Variants in FBXL4 observed in about 807,000 individuals in gnomAD.
The protein encoded by FBXL4 is F-box/LRR-repeat protein 4.
FBXL4 carries 40 observed loss-of-function variants against 58.9 expected under a neutral mutation model. That is an observed-to-expected ratio of 0.68 (90% confidence interval 0.53 to 0.88). FBXL4 has a LOEUF of 0.88. Among genes scored for constraint, FBXL4 ranks in the 40% least tolerant of loss-of-function variants. The pLI is 0.00. For synonymous variants in FBXL4, 263 were observed against 265.5 expected, an observed-to-expected ratio of 0.99 and a Z score of 0.09; for missense variants, 676 against 734.4, an observed-to-expected ratio of 0.92 and a Z score of 0.92.
At chr6:98,916,016 A>G (rs1477665728) in intron 5 of FBXL4, among the ~76,000 whole-genome samples, 1 of 152,264 alleles carries the variant, frequency 6.6e-6, no homozygotes, top group African/African-American at 2.4e-5. Context: ...GGATATGAAC[A>G]GACACTTCTC....
chr6:98,929,577 A>G (rs1772929521), intron 2 of FBXL4, among the ~76,000 whole-genome samples: 1 of 151,758 alleles, frequency 6.6e-6, no homozygotes, highest in South Asian at 2.1e-4. Context: ...GTCTCAAAAA[A>G]AAAAAAAAAA....
intron 2 of FBXL4, among the ~76,000 whole-genome samples, chr6:98,931,679 G>A (rs1168027869): frequency 2.0e-5 from 3 of 152,176 alleles, no homozygotes; most frequent in Non-Finnish European, 4.4e-5. Flanking sequence ...AAAGAGAAAT[G>A]TACAAACCCA....
In FBXL4 at chr6:98,874,385, G is replaced by T. The variant is rs1349926880; in HGVS notation, c.1759C>A (p.Leu587Ile). 7 of 1,612,858 alleles carry T rather than the reference G, an allele frequency of 4.3e-6. No individual in the cohort carries two copies. The highest frequency in any genetic ancestry group is 5.1e-6 in the Non-Finnish European group (6 of 1,179,366). Reference sequence around the variant, plus strand: ...CAGAAGGACACATCAAGTAAAGAAAGATCTTTACAAGATTCCAGGAGTTTT... The same window carrying T: ...CAGAAGGACACATCAAGTAAAGAAATATCTTTACAAGATTCCAGGAGTTTT... ...LRKLLESCKD[L>I]SLLDVSFCSQ... Residue 587 changes from leucine (L) to isoleucine (I), a missense_variant, in exon 10 of 10, where the codon CTT becomes ATT. Physicochemically the swap from Leu to Ile is conservative, Grantham distance 5. Coordinates refer to ENST00000369244, the MANE Select transcript of FBXL4 (RefSeq NM_001278716.2).
At chr6:98,916,991 TAATA>T (rs1483850797) in intron 5 of FBXL4, among the ~76,000 whole-genome samples, 2 of 152,110 alleles carry the variant, frequency 1.3e-5, no homozygotes, top group Middle Eastern at 3.2e-3. Flanking sequence ...ACAATCTTAT[TAATA>T]TTCTTATTTT....
At chr6:98,947,041 G>A (rs1208354074) in intron 1 of FBXL4, among the ~76,000 whole-genome samples, 2 of 152,236 alleles carry the variant, frequency 1.3e-5, no homozygotes, top group Non-Finnish European at 2.9e-5. Context: ...CCCTGCACCT[G>A]GTGGTAATGT....
rs1001192669 is a variant in FBXL4, at chr6:98,879,455, C to T, written c.1389+1098G>A. Among the ~76,000 whole-genome samples, 9 of 152,262 alleles carry T rather than the reference C, an allele frequency of 5.9e-5. No homozygotes were observed. The East Asian group carries it at 1.7e-3, about 29-fold the overall frequency. The stretch of plus-strand genomic sequence containing the variant: ...TGCACACAAACACACACATGCACAC[C>T]TTCTCCACACAAGATTTCTATTGTC... On this transcript the variant is annotated intron_variant, in intron 8 of 9. Transcript: ENST00000369244.
intron 4 of FBXL4, among the ~76,000 whole-genome samples, chr6:98,921,434 T>C (rs981661685): frequency 2.6e-5 from 4 of 151,468 alleles, no homozygotes; most frequent in African/African-American, 7.3e-5. Context: ...AAGAAAGTTA[T>C]CTTGCCAACC....
rs1405553150 is a variant in FBXL4, at chr6:98,873,362, TATATATA to T, written c.*909_*915del. Reference sequence around the variant, plus strand: ...ATCTATAATATGTATATATAATGTGTATATATAATATATATCTCCACATTTATGTTTT... The same window carrying T: ...ATCTATAATATGTATATATAATGTGTATATATATCTCCACATTTATGTTTT... On this transcript the variant is annotated 3_prime_UTR_variant, in exon 10 of 10. Transcript: ENST00000369244. The T allele has an allele frequency of 3.4e-5, 5 of 148,612 alleles. No homozygotes were observed. The highest frequency in any genetic ancestry group is 1.9e-4 in the East Asian group (1 of 5,150). The allele number at this position is 148,612 out of a possible 1,614,324, so 9.2% of individuals were successfully genotyped here. A position where few individuals can be genotyped will look rare whatever the true frequency, so the allele number is the denominator to read the frequency against.
chr6:98,921,298 T>G (rs1772573332), intron 4 of FBXL4, among the ~76,000 whole-genome samples: 3 of 151,978 alleles, frequency 2.0e-5, no homozygotes, highest in Admixed American at 2.0e-4. Flanking sequence ...AGATGTTTCA[T>G]TAATGGAAAC....
Position 98,935,795 on chromosome 6 carries a change from C to CA in FBXL4, c.-308-917dup, listed in dbSNP as rs372124984. On this transcript the variant is annotated intron_variant, in intron 1 of 9. Coordinates refer to ENST00000369244, the MANE Select transcript of FBXL4 (RefSeq NM_001278716.2). ...TGGGCGACAGAGCGAGACTCCGTCT[C>CA]AAAAAAAAAAAAAGAATAAGGCATC... is the stretch of plus-strand genomic sequence containing the variant. Among the ~76,000 whole-genome samples, 112 of 117,622 alleles carry CA rather than the reference C, an allele frequency of 9.5e-4. 4 individuals are homozygous for CA. The highest frequency in any genetic ancestry group is 2.7e-3 in the East Asian group (11 of 4,138). 77.2% of individuals were successfully genotyped at this position (117,622 alleles called of 152,430 possible).
chr6:98,874,252 A>C lies in FBXL4; in HGVS notation c.*26T>G, dbSNP rs1312814021. Reference sequence around the variant, plus strand: ...AAATTAAACCCCAACAAAGCACATTAATTTTAATACAGAACATATATTAAG... The same window carrying C: ...AAATTAAACCCCAACAAAGCACATTCATTTTAATACAGAACATATATTAAG... On this transcript the variant is annotated 3_prime_UTR_variant, in exon 10 of 10. Transcript: ENST00000369244. 1 of 1,494,726 alleles carries C rather than the reference A, an allele frequency of 6.7e-7. No homozygotes were observed. The allele number at this position is 1,494,726 out of a possible 1,614,324, so 92.6% of individuals were successfully genotyped here.
Position 98,868,953 on chromosome 6 carries a change from G to A in FBXL4, c.*5325C>T, listed in dbSNP as rs1284309762. The A allele has an allele frequency of 6.6e-6, 1 of 152,100 alleles. No homozygotes were observed. The highest frequency in any genetic ancestry group is 2.4e-5 in the African/African-American group (1 of 41,420). The allele number at this position is 152,100 out of a possible 1,614,324, so 9.4% of individuals were successfully genotyped here. On this transcript the variant is annotated 3_prime_UTR_variant, in exon 10 of 10. Transcript: ENST00000369244. ...GAGCACACTTACTGCTGTGCCAAAG[G>A]AATAATCTTGGCCCCATCCCTACTT...
chr6:98,898,544 T>C, intron 7 of FBXL4: 1 of 903,880 alleles, frequency 1.1e-6, no homozygotes, highest in Non-Finnish European at 1.3e-6. Context: ...GGCGGAGGTT[T>C]CAGTGAGCTG....
intron 1 of FBXL4, among the ~76,000 whole-genome samples, chr6:98,935,461 T>C (rs554974873): frequency 1.3e-5 from 2 of 152,300 alleles, no homozygotes; most frequent in African/African-American, 2.4e-5. Flanking sequence ...TACCTATATA[T>C]TACCTTTTTC....
chr6:98,936,227 C>T (rs540927479), intron 1 of FBXL4, among the ~76,000 whole-genome samples: 1 of 152,228 alleles, frequency 6.6e-6, no homozygotes, highest in South Asian at 2.1e-4. Flanking sequence ...TGAGTTTTGA[C>T]AATGACAGAA....
rs768115130 is a variant in FBXL4, at chr6:98,899,251, T to C, written c.1317+17A>G. On this transcript the variant is annotated intron_variant, in intron 7 of 9. Coordinates refer to ENST00000369244, the MANE Select transcript of FBXL4 (RefSeq NM_001278716.2). Reference sequence around the variant, plus strand: ...GCTACCATAATAGCAATGATGAAAATTATGAATTACTCTCACCTCTACTTT... The same window carrying C: ...GCTACCATAATAGCAATGATGAAAACTATGAATTACTCTCACCTCTACTTT... 2 of 1,609,638 alleles carry C rather than the reference T, an allele frequency of 1.2e-6. No homozygotes were observed. Among genetic ancestry groups the C allele is most frequent in the Non-Finnish European group, 1.7e-6 (2 of 1,176,942 alleles).
chr6:98,924,220 T>C (rs1772687946), intron 4 of FBXL4, among the ~76,000 whole-genome samples: 1 of 152,152 alleles, frequency 6.6e-6, no homozygotes, highest in African/African-American at 2.4e-5. Context: ...GTAGGTAACT[T>C]TGTAAGAAGA....
At chr6:98,914,378 G>A (rs1325512731) in intron 5 of FBXL4, among the ~76,000 whole-genome samples, 1 of 152,154 alleles carries the variant, frequency 6.6e-6, no homozygotes, top group Non-Finnish European at 1.5e-5. Flanking sequence ...GAGAGTTTTA[G>A]ACCAATATCC....
chr6:98,880,502 A>G (rs1770813641), intron 8 of FBXL4, 51 bp downstream of exon 8: 1 of 1,474,602 alleles, frequency 6.8e-7, no homozygotes, highest in Non-Finnish European at 9.5e-7. Flanking sequence ...ACCCATAGGA[A>G]GAAAAAGAGA....
Sources: gnomAD v4.1 joint callset for allele counts (sites outside exome capture counted in the v4.1 genomes callset) on GRCh38, gnomAD v4.1.1 for gene constraint, MANE v1.5 for transcripts, NCBI Gene and HGNC (gene_info 2026-07-23, HGNC 2026-07-21) for gene names.